Variants in SEMA3D observed in about 807,000 individuals in gnomAD.
The protein encoded by SEMA3D is semaphorin-3D.
A neutral mutation model predicts 100.1 loss-of-function variants in SEMA3D; 84 were observed. The observed-to-expected ratio is 0.84, with a 90% confidence interval of 0.70 to 1.01. SEMA3D has a LOEUF of 1.01. Among genes scored for constraint, SEMA3D ranks in the 50% least tolerant of loss-of-function variants. The pLI is 0.00. For missense variants in SEMA3D, 875 were observed against 934.1 expected (o/e 0.94, Z 0.82); for synonymous variants, 312 against 320.7 (o/e 0.97, Z 0.29).
chr7:85,111,415 G>T (rs1214183353), intron 3 of SEMA3D, among the ~76,000 whole-genome samples: 1 of 151,906 alleles, frequency 6.6e-6, no homozygotes, highest in Non-Finnish European at 1.5e-5. Flanking sequence ...ATTAATGGTA[G>T]CTCCACCTGT....
chr7:85,232,216 A>G, the SEMA3D span, among the ~76,000 whole-genome samples: 1 of 152,204 alleles, frequency 6.6e-6, no homozygotes, highest in Non-Finnish European at 1.5e-5. Flanking sequence ...CATGGAAGCT[A>G]GGCCAATATT....
intron 5 of SEMA3D, among the ~76,000 whole-genome samples, chr7:85,077,470 C>T (rs2116214707): frequency 6.6e-6 from 1 of 151,520 alleles, no homozygotes; most frequent in East Asian, 1.9e-4. Flanking sequence ...TTTTATAAGT[C>T]TGTAAATAAT....
the SEMA3D span, among the ~76,000 whole-genome samples, chr7:85,199,499 T>C: frequency 1.3e-5 from 2 of 152,194 alleles, no homozygotes; most frequent in Admixed American, 6.5e-5. Flanking sequence ...TTATAAAGTA[T>C]ACCTTTTAAT....
the SEMA3D span, among the ~76,000 whole-genome samples, chr7:85,213,823 TTTTG>T: frequency 6.6e-6 from 1 of 152,202 alleles, no homozygotes; most frequent in Non-Finnish European, 1.5e-5. Flanking sequence ...TTAATTTTCA[TTTTG>T]TTTGTGCATT....
At chr7:85,191,508 T>G (rs1337932558), upstream of SEMA3D, among the ~76,000 whole-genome samples, 1 of 152,142 alleles carries the variant, frequency 6.6e-6, no homozygotes, top group Admixed American at 6.5e-5. Context: ...GAGGAGGGAA[T>G]TCCTGTGATA....
At chr7:85,197,752 T>C in the SEMA3D span, among the ~76,000 whole-genome samples, 3 of 152,158 alleles carry the variant, frequency 2.0e-5, no homozygotes, top group Non-Finnish European at 4.4e-5. Flanking sequence ...TTTAATAACC[T>C]ATAACCCTGC....
At chr7:85,049,615 T>G (rs993555387) in intron 9 of SEMA3D, among the ~76,000 whole-genome samples, 6 of 151,892 alleles carry the variant, frequency 4.0e-5, no homozygotes, top group Middle Eastern at 3.4e-3. Flanking sequence ...TCGTGGGCAC[T>G]AAATCTCTCA....
At chr7:85,170,629 ATTC>A (rs1362423409) in intron 1 of SEMA3D, among the ~76,000 whole-genome samples, 1 of 151,936 alleles carries the variant, frequency 6.6e-6, no homozygotes, top group Non-Finnish European at 1.5e-5. Context: ...TTTCTCTGGT[ATTC>A]TTCTTTTATA....
At position 85,040,719 on chromosome 7, in the gene SEMA3D, T is replaced by G; in HGVS notation, c.1000A>C (p.Arg334=). 1 of 1,451,264 alleles carries G rather than the reference T, an allele frequency of 6.9e-7. No homozygotes were observed. Among genetic ancestry groups the G allele is most frequent in the Non-Finnish European group, 9.7e-7 (1 of 1,034,472 alleles). 89.9% of individuals were successfully genotyped at this position (1,451,264 alleles called of 1,614,324 possible). A position where few individuals can be genotyped will look rare whatever the true frequency, so the allele number is the denominator to read the frequency against. The change falls in exon 11 of 19, where the codon AGA becomes CGA. Residue 334 remains arginine (R), a synonymous_variant. Transcript: ENST00000284136. ...TATACTACAGGATTTCTTTCATCTCTTGTGGGGAGTAAATAAATATCTTCT... is the reference window on the plus strand; with the variant it reads ...TATACTACAGGATTTCTTTCATCTCGTGTGGGGAGTAAATAAATATCTTCT... ...ELQDIYLLPT[R]DERNPVVYGV... is the part of the protein sequence containing the mutation.
intron 12 of SEMA3D, among the ~76,000 whole-genome samples, chr7:85,024,759 T>G (rs1458965116): frequency 1.3e-5 from 2 of 151,906 alleles, no homozygotes; most frequent in Non-Finnish European, 2.9e-5. Context: ...CAAATGAAAA[T>G]GATTTGGTAG....
chr7:85,191,262 T>C (rs1365766256), upstream of SEMA3D, among the ~76,000 whole-genome samples: 1 of 152,168 alleles, frequency 6.6e-6, no homozygotes. Flanking sequence ...TATATGGTTG[T>C]TGCAGATTGG....
chr7:85,200,320 G>A, the SEMA3D span, among the ~76,000 whole-genome samples: 5 of 151,692 alleles, frequency 3.3e-5, no homozygotes, highest in African/African-American at 1.2e-4. Flanking sequence ...TGCCCAAAAC[G>A]TTGTTAGGGA....
the SEMA3D span, among the ~76,000 whole-genome samples, chr7:85,206,331 C>T: frequency 6.6e-6 from 1 of 152,104 alleles, no homozygotes; most frequent in Admixed American, 6.6e-5. Context: ...ACATAAAATT[C>T]TTTGGCCCAG....
At chr7:85,092,373 T>G (rs1189247925) in intron 4 of SEMA3D, among the ~76,000 whole-genome samples, 2 of 152,030 alleles carry the variant, frequency 1.3e-5, no homozygotes, top group East Asian at 3.9e-4. Flanking sequence ...TAATAGATAC[T>G]CAATGGATTT....
chr7:85,073,173 T>C (rs1298500416), intron 5 of SEMA3D, 92 bp from the exon 6 acceptor site: 1 of 1,149,288 alleles, frequency 8.7e-7, no homozygotes, highest in East Asian at 2.4e-5. Flanking sequence ...TAGATCAATC[T>C]TCAAAAATAA....
intron 1 of SEMA3D, among the ~76,000 whole-genome samples, chr7:85,163,544 C>G (rs185032009): frequency 1.1e-3 from 164 of 151,832 alleles, no homozygotes; most frequent in East Asian, 2.9e-3. Context: ...GATAACAGGA[C>G]AGTAGGAAAT....
chr7:85,024,331 A>C (rs754769824), intron 12 of SEMA3D, among the ~76,000 whole-genome samples: 18 of 151,660 alleles, frequency 1.2e-4, no homozygotes, highest in Non-Finnish European at 2.4e-4. Flanking sequence ...GTTTTTAAAA[A>C]GCCCTCCAAC....
chr7:85,077,748 T>A (rs1787918045), intron 5 of SEMA3D, among the ~76,000 whole-genome samples: 1 of 152,158 alleles, frequency 6.6e-6, no homozygotes. Flanking sequence ...CCTCCCTTGA[T>A]CACATACTGC....
At chr7:85,004,404 T>C (rs972149594) in intron 18 of SEMA3D, among the ~76,000 whole-genome samples, 8 of 152,096 alleles carry the variant, frequency 5.3e-5, no homozygotes, top group South Asian at 2.1e-4. Context: ...AGAGAAAATA[T>C]AGTATGGCCT....
Sources: allele counts gnomAD v4.1 joint callset (sites outside exome capture counted in the v4.1 genomes callset), GRCh38; gene constraint gnomAD v4.1.1; transcripts MANE v1.5; gene names NCBI Gene and HGNC (gene_info 2026-07-23, HGNC 2026-07-21).